Variants in POPDC1 observed in about 807,000 individuals in gnomAD.
The protein encoded by POPDC1 is popeye domain-containing protein 1.
At chr6:105,113,638 G>T in the POPDC1 span, among the ~76,000 whole-genome samples, 1 of 152,136 alleles carries the variant, frequency 6.6e-6, no homozygotes, top group African/African-American at 2.4e-5. Flanking sequence ...TGAGCCCCAA[G>T]AGTAGGGAAG....
chr6:105,125,652 T>C, the POPDC1 span: 5 of 1,438,996 alleles, frequency 3.5e-6, no homozygotes, highest in Non-Finnish European at 4.8e-6. Flanking sequence ...GTGGTCTAAA[T>C]ATGGTTTTGA....
chr6:105,106,182 C>T, the POPDC1 span, among the ~76,000 whole-genome samples: 1 of 152,126 alleles, frequency 6.6e-6, no homozygotes, highest in African/African-American at 2.4e-5. Context: ...AACTGAAACC[C>T]AGACTTAACA....
chr6:105,109,669 C>T, the POPDC1 span, among the ~76,000 whole-genome samples: 2 of 145,782 alleles, frequency 1.4e-5, no homozygotes, highest in African/African-American at 5.1e-5. Context: ...GCCTGGGAGG[C>T]GGGAGGACAT....
chr6:105,113,342 T>C, the POPDC1 span, among the ~76,000 whole-genome samples: 1 of 152,150 alleles, frequency 6.6e-6, no homozygotes, highest in African/African-American at 2.4e-5. Context: ...TCCTCATCTA[T>C]AAAATGACCT....
the POPDC1 span, among the ~76,000 whole-genome samples, chr6:105,110,620 C>A: frequency 6.6e-6 from 1 of 152,132 alleles, no homozygotes; most frequent in East Asian, 1.9e-4. Context: ...GTAGTCTTTT[C>A]AGACTGCAAG....
At chr6:105,107,549 G>C in the POPDC1 span, among the ~76,000 whole-genome samples, 1 of 152,200 alleles carries the variant, frequency 6.6e-6, no homozygotes, top group Non-Finnish European at 1.5e-5. Context: ...TCTGTCAGGT[G>C]ACTTTTATCC....
the POPDC1 span, among the ~76,000 whole-genome samples, chr6:105,123,804 A>G: frequency 6.6e-6 from 1 of 152,240 alleles, no homozygotes; most frequent in Non-Finnish European, 1.5e-5. Flanking sequence ...AAGTAAAAAG[A>G]GTTTAGTGAT....
At chr6:105,112,301 T>C in the POPDC1 span, among the ~76,000 whole-genome samples, 4 of 152,212 alleles carry the variant, frequency 2.6e-5, no homozygotes, top group South Asian at 6.2e-4. Flanking sequence ...GTGTAGTGGC[T>C]GAATGCGATG....
the POPDC1 span, among the ~76,000 whole-genome samples, chr6:105,109,802 T>TAAATAACG: frequency 1.9e-5 from 1 of 53,068 alleles, no homozygotes; most frequent in Non-Finnish European, 5.0e-5. Flanking sequence ...TATAAAGCAA[T>TAAATAACG]AAATAACGGC....
the POPDC1 span, among the ~76,000 whole-genome samples, chr6:105,118,442 T>C: frequency 1.8e-4 from 27 of 152,356 alleles, no homozygotes; most frequent in African/African-American, 6.5e-4. Context: ...CATCAGCATC[T>C]AAGACTTGAT....
At chr6:105,126,096 T>C in the POPDC1 span, among the ~76,000 whole-genome samples, 5 of 151,856 alleles carry the variant, frequency 3.3e-5, no homozygotes, top group Non-Finnish European at 7.4e-5. Context: ...CGTGGTGGCA[T>C]GCACCTGTAA....
chr6:105,120,041 C>T, the POPDC1 span, among the ~76,000 whole-genome samples: 2 of 20,594 alleles, frequency 9.7e-5, 1 homozygote, highest in Admixed American at 1.5e-3. Flanking sequence ...GGGCGGATCA[C>T]GAGGTCAGGA....
At chr6:105,109,624 G>A in the POPDC1 span, among the ~76,000 whole-genome samples, 228 of 151,710 alleles carry the variant, frequency 1.5e-3, no homozygotes, top group African/African-American at 5.2e-3. Context: ...TATAGTCCCA[G>A]CTACTCAGAA....
the POPDC1 span, among the ~76,000 whole-genome samples, chr6:105,109,763 CAAAAA>C: frequency 2.2e-4 from 5 of 22,872 alleles, no homozygotes; most frequent in Admixed American, 2.2e-3. Flanking sequence ...GACCCTTTCT[CAAAAA>C]AAAAAAAAAA....
At chr6:105,115,830 A>G in the POPDC1 span, 1 of 1,613,096 alleles carries the variant, frequency 6.2e-7, no homozygotes, top group Non-Finnish European at 8.5e-7. Flanking sequence ...TTGGCTTTCT[A>G]CAAAGCAAAG....
At chr6:105,124,583 A>G in the POPDC1 span, 1 of 1,612,436 alleles carries the variant, frequency 6.2e-7, no homozygotes, top group Non-Finnish European at 8.5e-7. Flanking sequence ...GAGTTGATCT[A>G]AATTCAGGAG....
the POPDC1 span, among the ~76,000 whole-genome samples, chr6:105,110,462 G>A: frequency 0.77 from 117,609 of 152,096 alleles, 47,701 homozygotes; most frequent in Non-Finnish European, 0.88. Flanking sequence ...TGCTCACAAC[G>A]GGAATGAAAC....
the POPDC1 span, among the ~76,000 whole-genome samples, chr6:105,113,935 C>G: frequency 6.6e-6 from 1 of 150,938 alleles, no homozygotes; most frequent in South Asian, 2.1e-4. Context: ...AACTCCCATC[C>G]CCCCCGCCAC....
the POPDC1 span, among the ~76,000 whole-genome samples, chr6:105,108,687 G>A: frequency 6.6e-6 from 1 of 152,204 alleles, no homozygotes; most frequent in Non-Finnish European, 1.5e-5. Flanking sequence ...ACTTGAACTT[G>A]ATTTTTAGAA....
Sources: allele counts gnomAD v4.1 joint callset (sites outside exome capture counted in the v4.1 genomes callset), GRCh38; gene constraint gnomAD v4.1.1; transcripts MANE v1.5; gene names NCBI Gene and HGNC (gene_info 2026-07-23, HGNC 2026-07-21).